The following LIMK2 variants were observed in gnomAD, a reference collection of about 807,000 sequenced individuals.
LIMK2 encodes the protein LIM domain kinase 2.
In LIMK2, 35 loss-of-function variants were observed where a neutral mutation model predicts 75.7. The observed-to-expected ratio is 0.46, with a 90% CI of 0.35 to 0.61. The LOEUF is 0.61. Ranked by LOEUF, LIMK2 falls within the 20% of genes least tolerant of loss-of-function variation. LIMK2 has a pLI of 0.00. For missense variants in LIMK2, 623 were observed against 831.0 expected, an observed-to-expected ratio of 0.75 and a Z score of 3.08; for synonymous variants, 301 against 319.2, an observed-to-expected ratio of 0.94 and a Z score of 0.61.
At chr22:31,248,837 C>A in intron 2 of LIMK2, 1 of 1,505,536 alleles carries the variant, frequency 6.6e-7, no homozygotes, top group Non-Finnish European at 9.2e-7. Flanking sequence ...GGGTGGTCTC[C>A]CTAAATCTCC....
rs757204206 is a variant in LIMK2, at chr22:31,260,095, C to T, written c.551+18C>T. 6.5e-7 allele frequency: 1 copy of T among 1,537,240 alleles called. No individual in the cohort carries two copies. The highest frequency in any genetic ancestry group is 2.3e-5 in the East Asian group (1 of 42,722). On this transcript the variant is annotated intron_variant, in intron 5 of 15. Transcript: ENST00000331728. ...GTGAAAGAGTAAGTATTTTGAGAAC[C>T]CTTCAGCAGGGGTTCTTGAGCAGAG...
rs140409562 is a variant in LIMK2, at chr22:31,262,730, G to A, written c.793G>A (p.Ala265Thr). 268 of 1,614,040 alleles carry A rather than the reference G, an allele frequency of 1.7e-4. 1 individual carries two copies. The highest frequency in any genetic ancestry group is 2.0e-4 in the Non-Finnish European group (235 of 1,179,974). The change falls in exon 7 of 16, where the codon GCC (alanine) becomes ACC (threonine). Residue 265 changes from alanine to threonine, a missense_variant. This residue lies in a region of LIMK2 where 514 missense variants were observed against 661.3 expected (regional missense o/e 0.78). Coordinates refer to ENST00000331728, the MANE Select transcript of LIMK2 (RefSeq NM_005569.4). The surrounding 1 kb of genome is among the most constrained non-coding windows in gnomAD (Gnocchi z 5.0). ...CATGCAGAATGCCGGACACCCCCAC[G>A]CCCTCAGCACCCTGGACACCAAGGA... Reference protein sequence around the residue: ...PHMQNAGHPHALSTLDTKENL... With the variant: ...PHMQNAGHPHTLSTLDTKENL...
chr22:31,218,136 A>G (rs1375107691), intron 1 of LIMK2, among the ~76,000 whole-genome samples: 1 of 152,196 alleles, frequency 6.6e-6, no homozygotes, highest in Non-Finnish European at 1.5e-5. Context: ...ACCATGGGAG[A>G]TATTTTCACA....
chr22:31,269,820 G>A (rs996754758), intron 11 of LIMK2, among the ~76,000 whole-genome samples: 2 of 152,126 alleles, frequency 1.3e-5, no homozygotes, highest in African/African-American at 4.8e-5. Flanking sequence ...CATTGGGGTG[G>A]AATGCGGAGG....
chr22:31,273,428 G>A (rs1162751920), intron 13 of LIMK2, 24 bp from the exon 14 acceptor site: 2 of 1,607,524 alleles, frequency 1.2e-6, no homozygotes, highest in Non-Finnish European at 1.7e-6. Context: ...AAACTTAACA[G>A]TGTGCTCTCC....
chr22:31,265,919 C>G (rs756902308), intron 7 of LIMK2, 27 bp from the exon 8 acceptor site: 4 of 1,609,070 alleles, frequency 2.5e-6, no homozygotes, highest in East Asian at 2.2e-5. Flanking sequence ...ACTACACATC[C>G]CTACTCCCGT....
intron 2 of LIMK2, among the ~76,000 whole-genome samples, chr22:31,235,296 A>G (rs1381583865): frequency 3.3e-5 from 5 of 152,180 alleles, no homozygotes; most frequent in Admixed American, 1.3e-4. Context: ...TATAGCAGCC[A>G]CCGTGGCTGC....
At chr22:31,248,180 A>T (rs779324688) in intron 2 of LIMK2, among the ~76,000 whole-genome samples, 1 of 151,852 alleles carries the variant, frequency 6.6e-6, no homozygotes, top group Non-Finnish European at 1.5e-5. Context: ...TGGACGCTCA[A>T]TTGGTCCCAG....
At chr22:31,254,078 C>T (rs982846513) in intron 2 of LIMK2, among the ~76,000 whole-genome samples, 1 of 152,234 alleles carries the variant, frequency 6.6e-6, no homozygotes, top group Non-Finnish European at 1.5e-5. Context: ...CATTCCTTGA[C>T]ACAGATATGT....
chr22:31,273,346 C>T (rs1017441263), intron 13 of LIMK2, 106 bp from the exon 14 acceptor site: 165 of 1,011,970 alleles, frequency 1.6e-4, no homozygotes, highest in Non-Finnish European at 2.4e-4. Context: ...CCCTACAGAA[C>T]CTGTTCTAGC....
chr22:31,275,544 G>C (rs745528137), intron 15 of LIMK2: 42 of 499,864 alleles, frequency 8.4e-5, no homozygotes, highest in Non-Finnish European at 1.4e-4. Flanking sequence ...TTAAAAGAAA[G>C]TTTAAAAGAA....
At chr22:31,237,515 G>A (rs1305250809) in intron 2 of LIMK2, among the ~76,000 whole-genome samples, 1 of 150,420 alleles carries the variant, frequency 6.6e-6, no homozygotes, top group Non-Finnish European at 1.5e-5. Context: ...AGTGTGCTGA[G>A]ATCGCGCCAC....
At chr22:31,277,587 CTCT>C (rs1569006529) in intron 15 of LIMK2, 2 of 965,604 alleles carry the variant, frequency 2.1e-6, no homozygotes, top group East Asian at 1.1e-4. Flanking sequence ...TTTCTAATAC[CTCT>C]TGTCATTCTA....
intron 15 of LIMK2, chr22:31,276,734 G>GGCCC (rs2049026964): frequency 6.6e-7 from 1 of 1,504,298 alleles, no homozygotes; most frequent in Admixed American, 2.3e-5. Flanking sequence ...TGGCGGCCCC[G>GGCCC]GCCCCGGCCC....
intron 2 of LIMK2, among the ~76,000 whole-genome samples, chr22:31,240,561 C>A (rs576086463): frequency 6.7e-4 from 102 of 152,030 alleles, no homozygotes; most frequent in Admixed American, 2.0e-3. Flanking sequence ...GGAGCTGTTA[C>A]TACAGGCGCA....
chr22:31,219,280 C>T (rs1049501096), intron 1 of LIMK2, among the ~76,000 whole-genome samples: 1 of 151,942 alleles, frequency 6.6e-6, no homozygotes, highest in Admixed American at 6.6e-5. Flanking sequence ...TGTTTGAGGG[C>T]CACATTGCTA....
chr22:31,272,289 G>A (rs528368919), intron 12 of LIMK2, among the ~76,000 whole-genome samples: 4 of 148,284 alleles, frequency 2.7e-5, no homozygotes, highest in African/African-American at 1.0e-4. Flanking sequence ...TGGCCAGGCT[G>A]GTCTTGAACT....
chr22:31,231,426 G>A (rs1421245618), intron 2 of LIMK2, among the ~76,000 whole-genome samples: 1 of 152,186 alleles, frequency 6.6e-6, no homozygotes, highest in Non-Finnish European at 1.5e-5. Flanking sequence ...TCTCCAGAAG[G>A]TGTTTACTCA....
intron 11 of LIMK2, among the ~76,000 whole-genome samples, chr22:31,268,443 G>A (rs964055481): frequency 1.3e-5 from 2 of 152,136 alleles, no homozygotes; most frequent in African/African-American, 4.8e-5. Flanking sequence ...GCAAACTGGA[G>A]AGGCAAACTG....
Sources: allele counts gnomAD v4.1 joint callset (sites outside exome capture counted in the v4.1 genomes callset), GRCh38; gene constraint gnomAD v4.1.1; regional missense constraint gnomAD v4.1.1; non-coding constraint Gnocchi (gnomAD v3.1); transcripts MANE v1.5; gene names NCBI Gene and HGNC (gene_info 2026-07-23, HGNC 2026-07-21).